Variants in CDK14 observed in about 807,000 individuals in gnomAD.
The protein encoded by CDK14 is cyclin-dependent kinase 14.
Under a neutral mutation model 60.7 loss-of-function variants are expected in CDK14, and 34 were observed. The ratio of observed to expected loss-of-function variants is 0.56; its 90% confidence interval spans 0.43 to 0.75. The LOEUF (loss-of-function observed/expected upper bound fraction) is 0.75, where lower values mean the gene tolerates loss of function less well. Ranked by LOEUF, CDK14 falls within the 30% of genes least tolerant of loss-of-function variation. The pLI is 0.00. For synonymous variants in CDK14, 197 were observed against 203.7 expected (o/e 0.97, Z 0.28); for missense variants, 482 against 564.1 (o/e 0.85, Z 1.47).
At chr7:90,814,799 G>T (rs1307249697) in intron 5 of CDK14, among the ~76,000 whole-genome samples, 1 of 152,120 alleles carries the variant, frequency 6.6e-6, no homozygotes, top group East Asian at 1.9e-4. Context: ...AAAACTTATT[G>T]AGTAACTTAT....
At chr7:91,137,764 G>A (rs803164) in intron 14 of CDK14, among the ~76,000 whole-genome samples, 51,995 of 151,712 alleles carry the variant, frequency 0.34, 11,187 homozygotes, top group Non-Finnish European at 0.49. Flanking sequence ...ATGAAGTATG[G>A]AACTGTTTCA....
chr7:90,638,995 C>T (rs1212299331), intron 2 of CDK14, among the ~76,000 whole-genome samples: 3 of 152,140 alleles, frequency 2.0e-5, no homozygotes, highest in African/African-American at 7.2e-5. Context: ...CTCCTTTAAG[C>T]ACTTCTCTGT....
intron 2 of CDK14, among the ~76,000 whole-genome samples, chr7:90,620,661 C>T (rs981665496): frequency 4.6e-5 from 7 of 152,142 alleles, no homozygotes; most frequent in African/African-American, 1.2e-4. Context: ...GGAGCAGGCA[C>T]CACCGTTTCA....
Position 90,625,590 on chromosome 7 carries a change from A to G in CDK14, c.123+21341A>G, listed in dbSNP as rs73707285. Among the ~76,000 whole-genome samples the G allele has an allele frequency of 5.2e-3, 788 of 152,340 alleles. 6 individuals carry two copies. The highest frequency in any genetic ancestry group is 0.016 in the African/African-American group (674 of 41,578). The stretch of plus-strand genomic sequence containing the variant: ...ATTTTAAATGTAATATTTTTGCACT[A>G]TTAATCACTTAAAATATTGTGTTAT... On this transcript the variant is annotated intron_variant, in intron 2 of 14. Coordinates refer to ENST00000380050, the MANE Select transcript of CDK14 (RefSeq NM_001287135.2).
chr7:91,077,861 A>T (rs1798370174), intron 11 of CDK14, among the ~76,000 whole-genome samples: 1 of 152,126 alleles, frequency 6.6e-6, no homozygotes. Context: ...TAAAAAACCA[A>T]GAATCCAATA....
At chr7:90,779,612 T>C (rs887778105) in intron 4 of CDK14, among the ~76,000 whole-genome samples, 1 of 152,156 alleles carries the variant, frequency 6.6e-6, no homozygotes, top group Non-Finnish European at 1.5e-5. Context: ...AAATAACTAG[T>C]AGAGAGCATA....
At position 91,145,951 on chromosome 7, in the gene CDK14, TTTA is replaced by T. The variant is rs1554439785; in HGVS notation, c.*28+27746_*28+27748del. 7.4e-5 allele frequency among the ~76,000 whole-genome samples: 11 copies of T among 149,446 alleles called. No homozygotes were observed. The East Asian group carries it at 1.6e-3, about 21-fold the overall frequency. On this transcript the variant is annotated intron_variant, in intron 14 of 14. Transcript: ENST00000380050. Reference sequence around the variant, plus strand: ...ATTTATTTATTTATTTATTTATTTATTTATTTTTTATGTCAAGGCATCACAGAT... The same window carrying T: ...ATTTATTTATTTATTTATTTATTTATTTTTTTATGTCAAGGCATCACAGAT...
chr7:91,013,547 G>A (rs1796218285), intron 10 of CDK14, among the ~76,000 whole-genome samples: 1 of 151,840 alleles, frequency 6.6e-6, no homozygotes, highest in Non-Finnish European at 1.5e-5. Flanking sequence ...TGTCACTTTG[G>A]CACTAAGAAA....
At chr7:90,802,702 A>G (rs1346833284) in intron 5 of CDK14, among the ~76,000 whole-genome samples, 3 of 152,192 alleles carry the variant, frequency 2.0e-5, no homozygotes. Context: ...TTGGGACATT[A>G]TATCCATCAA....
At chr7:91,005,132 G>A (rs1424827424) in intron 10 of CDK14, among the ~76,000 whole-genome samples, 1 of 152,218 alleles carries the variant, frequency 6.6e-6, no homozygotes, top group Admixed American at 6.5e-5. Flanking sequence ...TAGCTCACTG[G>A]TGGCTTCCCT....
Position 90,993,756 on chromosome 7 carries a change from A to G in CDK14, c.1041+9515A>G, listed in dbSNP as rs114695740. On this transcript the variant is annotated intron_variant, in intron 10 of 14. Coordinates refer to ENST00000380050, the MANE Select transcript of CDK14 (RefSeq NM_001287135.2). ...TAGTTGCTGACTAGATTTTTAATCT[A>G]TTTTTTATCTGAGACATTATTATGG... Among the ~76,000 whole-genome samples the G allele has an allele frequency of 9.2e-3, 1,398 of 152,276 alleles. 17 individuals carry two copies. The highest frequency in any genetic ancestry group is 0.032 in the African/African-American group (1,324 of 41,540).
chr7:90,815,817 A>T (rs1205022865), intron 5 of CDK14, among the ~76,000 whole-genome samples: 2 of 152,120 alleles, frequency 1.3e-5, no homozygotes, highest in African/African-American at 4.8e-5. Context: ...TAACACAGAA[A>T]CAGAAAACCA....
rs1423639954 is a variant in CDK14, at chr7:91,209,313, T to TA, written c.*2178dup. ...CAGTGGACGGAGAAATCTGTTTTGT[T>TA]ACAGAGACATGCCTCTCAGAAGGTC... On this transcript the variant is annotated 3_prime_UTR_variant, in exon 15 of 15. Coordinates refer to ENST00000380050, the MANE Select transcript of CDK14 (RefSeq NM_001287135.2). 1 of 152,188 alleles carries TA rather than the reference T, an allele frequency of 6.6e-6. No homozygotes were observed. The highest frequency in any genetic ancestry group is 1.5e-5 in the Non-Finnish European group (1 of 68,040). The allele number at this position is 152,188 out of a possible 1,614,324, so 9.4% of individuals were successfully genotyped here.
chr7:91,077,653 G>A (rs1287462687), intron 11 of CDK14, among the ~76,000 whole-genome samples: 1 of 151,266 alleles, frequency 6.6e-6, no homozygotes. Flanking sequence ...GGAACGTAAA[G>A]TAAAGTAAAA....
At chr7:90,706,976 G>GTCCTGCCTCCCCATT (rs1234527695) in intron 2 of CDK14, among the ~76,000 whole-genome samples, 2 of 152,000 alleles carry the variant, frequency 1.3e-5, no homozygotes, top group Non-Finnish European at 2.9e-5. Context: ...TCCCCTCCCT[G>GTCCTGCCTCCCCATT]TCCTGCCTCC....
At chr7:91,027,783 TCCC>T (rs1350397836) in intron 10 of CDK14, among the ~76,000 whole-genome samples, 99 of 4,162 alleles carry the variant, frequency 0.024, no homozygotes, top group Non-Finnish European at 0.033. Flanking sequence ...TCCCCTCCCC[TCCC>T]CTCCCCTCCC....
chr7:91,164,711 T>C (rs552598724), intron 14 of CDK14, among the ~76,000 whole-genome samples: 1 of 152,324 alleles, frequency 6.6e-6, no homozygotes, highest in South Asian at 2.1e-4. Context: ...GCCCTTCCAG[T>C]GTCCAGACTG....
At chr7:90,911,196 T>G (rs1470368190) in intron 7 of CDK14, among the ~76,000 whole-genome samples, 1 of 152,200 alleles carries the variant, frequency 6.6e-6, no homozygotes, top group Non-Finnish European at 1.5e-5. Context: ...TCTATCGTAG[T>G]AAGCACTCAA....
chr7:91,079,314 A>T (rs1247019869), intron 11 of CDK14, 118 bp from the exon 12 acceptor site: 5 of 640,992 alleles, frequency 7.8e-6, no homozygotes, highest in Non-Finnish European at 1.4e-5. Flanking sequence ...AGACCTTACT[A>T]TGCTGGCCTA....
Sources: gnomAD v4.1 joint callset for allele counts (sites outside exome capture counted in the v4.1 genomes callset) on GRCh38, gnomAD v4.1.1 for gene constraint, MANE v1.5 for transcripts, NCBI Gene and HGNC (gene_info 2026-07-23, HGNC 2026-07-21) for gene names.